Variants in CEP97 observed in about 807,000 individuals in gnomAD.
CEP97 encodes centrosomal protein 97.
A neutral mutation model predicts 73.1 loss-of-function variants in CEP97; 43 were observed. That is an observed-to-expected ratio of 0.59 (90% CI 0.46 to 0.76). The LOEUF (loss-of-function observed/expected upper bound fraction) is 0.76, where lower values mean the gene tolerates loss of function less well. Among genes scored for constraint, CEP97 ranks in the 30% least tolerant of loss-of-function variants. The probability of loss-of-function intolerance (pLI) is 0.00; values close to 1 mark genes in which losing one functional copy is unlikely to be tolerated. For synonymous variants in CEP97, 337 were observed against 370.0 expected (o/e 0.91, Z 1.02); for missense variants, 939 against 1,014.0 (o/e 0.93, Z 1.00).
intron 9 of CEP97, among the ~76,000 whole-genome samples, chr3:101,760,602 C>T (rs895562487): frequency 3.3e-5 from 5 of 151,902 alleles, no homozygotes; most frequent in African/African-American, 7.3e-5. Flanking sequence ...AGTGTAGTGG[C>T]GTGATCATAG....
chr3:101,742,663 A>G (rs1938492230), intron 6 of CEP97, among the ~76,000 whole-genome samples: 1 of 151,812 alleles, frequency 6.6e-6, no homozygotes, highest in African/African-American at 2.4e-5. Flanking sequence ...GCAGCAAACC[A>G]CCATGGCATG....
intron 10 of CEP97, among the ~76,000 whole-genome samples, chr3:101,763,360 T>G (rs549888273): frequency 3.3e-5 from 5 of 152,120 alleles, no homozygotes; most frequent in East Asian, 1.9e-4. Flanking sequence ...GGTAATGGTA[T>G]TCACCAACAT....
In CEP97 at chr3:101,758,359, C is replaced by T. The variant is rs145086802; in HGVS notation, c.1753C>T (p.Arg585Cys). 4.2e-5 allele frequency: 68 copies of T among 1,614,008 alleles called. No homozygotes were observed. The highest frequency in any genetic ancestry group is 1.6e-4 in the Middle Eastern group (1 of 6,084). Residue 585 changes from arginine to cysteine, a missense_variant, in exon 9 of 11, where the codon CGT becomes TGT. By Grantham distance (180) the Arg-to-Cys change is radical. Coordinates refer to ENST00000341893, the MANE Select transcript of CEP97 (RefSeq NM_024548.4). ...CTACAACCCTCAAGCCAAAGATGTG[C>T]GTTACGAAATCCGGCTACGCAGAAT... is the stretch of plus-strand genomic sequence containing the variant. ...RNYNPQAKDV[R>C]YEIRLRRMQE...
At chr3:101,750,907 T>C (rs894171124) in intron 6 of CEP97, among the ~76,000 whole-genome samples, 1 of 152,236 alleles carries the variant, frequency 6.6e-6, no homozygotes, top group African/African-American at 2.4e-5. Context: ...TGTGTCTCTA[T>C]TTCCTTCAGT....
chr3:101,734,612 T>C (rs1006993688), intron 6 of CEP97, among the ~76,000 whole-genome samples: 2 of 152,166 alleles, frequency 1.3e-5, no homozygotes, highest in African/African-American at 4.8e-5. Context: ...GGTGCTGGTG[T>C]AGGGTGAGGG....
At chr3:101,730,236 G>T (rs982911077) in intron 4 of CEP97, among the ~76,000 whole-genome samples, 6 of 49,760 alleles carry the variant, frequency 1.2e-4, no homozygotes, top group Non-Finnish European at 2.1e-4. Flanking sequence ...CTGTTTTTTT[G>T]TTTTGTTTTG....
intron 6 of CEP97, among the ~76,000 whole-genome samples, chr3:101,752,598 T>A (rs551954112): frequency 3.3e-5 from 5 of 152,308 alleles, no homozygotes; most frequent in African/African-American, 4.8e-5. Flanking sequence ...CGTTTCTTTT[T>A]ATTCTTTTTT....
At chr3:101,730,251 G>A (rs868178499) in intron 4 of CEP97, among the ~76,000 whole-genome samples, 3 of 136,736 alleles carry the variant, frequency 2.2e-5, no homozygotes, top group African/African-American at 1.1e-4. Context: ...GTTTTGTTTT[G>A]TTTTGTTTTG....
chr3:101,746,780 C>T (rs561490229), intron 6 of CEP97, among the ~76,000 whole-genome samples: 1 of 152,062 alleles, frequency 6.6e-6, no homozygotes, highest in African/African-American at 2.4e-5. Context: ...ACCTACTCAC[C>T]TGACAAAGGG....
In CEP97 at chr3:101,733,625, G is replaced by T. The variant is rs548788198; in HGVS notation, c.728+971G>T. The stretch of plus-strand genomic sequence containing the variant: ...GGCTCACTGCAAGCTCCGCCTCCCG[G>T]GTTCACGCCATTCTCCTGCCTCAGC... On this transcript the variant is annotated intron_variant, in intron 6 of 10. Coordinates refer to ENST00000341893, the MANE Select transcript of CEP97 (RefSeq NM_024548.4). Among the ~76,000 whole-genome samples, 1,448 of 151,318 alleles carry T rather than the reference G, an allele frequency of 9.6e-3. 21 individuals carry two copies. The highest frequency in any genetic ancestry group is 0.033 in the African/African-American group (1,373 of 41,406).
At position 101,757,888 on chromosome 3, in the gene CEP97, T is replaced by G. The variant is rs77015203; in HGVS notation, c.1282T>G (p.Leu428Val). ...TVELRLQGIN[L>V]GLEDDGVADE... ...TGAGCTGAGGCTGCAGGGCATTAAC[T>G]TGGGCCTAGAAGATGATGGTGTTGC... The change falls in exon 9 of 11, where the codon TTG becomes GTG. Residue 428 changes from leucine (L) to valine (V), a missense_variant. Transcript: ENST00000341893. 857 of 1,614,224 alleles carry G rather than the reference T, an allele frequency of 5.3e-4. 6 individuals carry two copies. In the African/African-American group the frequency reaches 8.3e-3, roughly 16 times the overall value.
chr3:101,761,301 G>A (rs527758215), intron 9 of CEP97, among the ~76,000 whole-genome samples: 1 of 152,314 alleles, frequency 6.6e-6, no homozygotes, highest in Admixed American at 6.5e-5. Flanking sequence ...TTGGTGTTGG[G>A]TGCTTAGAAC....
At position 101,728,855 on chromosome 3, in the gene CEP97, G is replaced by A. The variant is rs780037314; in HGVS notation, c.365G>A (p.Ser122Asn). ...NNLKAMEQINSCTALQHLDLS... is the reference protein window; with the variant it reads ...NNLKAMEQINNCTALQHLDLS... ...TGATAGGCCATGGAACAGATCAATA[G>A]CTGCACAGCTCTACAGCATCTCGAT... is the stretch of plus-strand genomic sequence containing the variant. Residue 122 changes from serine to asparagine, a missense_variant, in exon 4 of 11, where the codon AGC becomes AAC. Physicochemically the swap from Ser to Asn is conservative, Grantham distance 46 (BLOSUM62 1). Transcript: ENST00000341893. 1.2e-5 allele frequency: 20 copies of A among 1,606,978 alleles called. No individual in the cohort carries two copies. The South Asian group carries it at 2.1e-4, about 17-fold the overall frequency.
intron 6 of CEP97, among the ~76,000 whole-genome samples, chr3:101,747,484 C>A (rs1348683547): frequency 6.6e-6 from 1 of 151,750 alleles, no homozygotes; most frequent in African/African-American, 2.4e-5. Flanking sequence ...TGGTCTCGAT[C>A]TCCTGACCTT....
Position 101,758,191 on chromosome 3 carries a change from A to G in CEP97, c.1585A>G (p.Ile529Val), listed in dbSNP as rs758103275. 5 of 1,613,910 alleles carry G rather than the reference A, an allele frequency of 3.1e-6. No individual in the cohort carries two copies. In the African/African-American group the frequency reaches 5.3e-5, roughly 17 times the overall value. The part of the protein sequence containing the change: ...ENTQPENKET[I>V]SQATSEKLPM... ...TACACAACCAGAAAATAAAGAAACC[A>G]TATCTCAAGCAACTTCAGAGAAACT... The change falls in exon 9 of 11, where the codon ATA becomes GTA. Residue 529 changes from isoleucine to valine, a missense_variant. Ile to Val is a conservative substitution (Grantham distance 29). Transcript: ENST00000341893.
At chr3:101,725,730 G>T (rs144655262) in intron 1 of CEP97, among the ~76,000 whole-genome samples, 2 of 152,202 alleles carry the variant, frequency 1.3e-5, no homozygotes, top group African/African-American at 2.4e-5. Context: ...GAAATTGGCC[G>T]TTTCTCTGGC....
chr3:101,762,971 G>A (rs1324412567), intron 10 of CEP97: 3 of 720,176 alleles, frequency 4.2e-6, no homozygotes, highest in Non-Finnish European at 3.8e-6. Context: ...GTATAGGAGA[G>A]TATTTGAATC....
rs1348802164 is a variant in CEP97, at chr3:101,765,042, G to A, written c.2089G>A (p.Glu697Lys). The change falls in exon 11 of 11, where the codon GAA becomes AAA. Residue 697 changes from glutamate (E) to lysine (K), a missense_variant. Transcript: ENST00000341893. ...DVAPQEKSLP[E>K]FPDSGFHSSL... ...AGCTCCTCAAGAGAAATCATTACCA[G>A]AATTTCCAGACTCTGGTTTTCATTC... The A allele has an allele frequency of 1.2e-6, 2 of 1,614,112 alleles. No individual in the cohort carries two copies. Among genetic ancestry groups the A allele is most frequent in the Non-Finnish European group, 1.7e-6 (2 of 1,180,012 alleles).
chr3:101,744,677 C>T (rs893432569), intron 6 of CEP97, among the ~76,000 whole-genome samples: 10 of 151,734 alleles, frequency 6.6e-5, no homozygotes, highest in African/African-American at 2.2e-4. Flanking sequence ...CAGTTGTAGT[C>T]TGTCAACAGT....
Sources: allele counts gnomAD v4.1 joint callset (sites outside exome capture counted in the v4.1 genomes callset), GRCh38; gene constraint gnomAD v4.1.1; transcripts MANE v1.5; gene names NCBI Gene and HGNC (gene_info 2026-07-23, HGNC 2026-07-21).